DLGAP2: variants seen among roughly 807,000 people sequenced by gnomAD.
DLGAP2 encodes the protein DLG associated protein 2.
DLGAP2 carries 26 observed loss-of-function variants against 100.3 expected under a neutral mutation model. The ratio of observed to expected loss-of-function variants is 0.26; its 90% confidence interval spans 0.19 to 0.36. DLGAP2 has a LOEUF of 0.36. Among genes scored for constraint, DLGAP2 ranks in the 10% least tolerant of loss-of-function variants. DLGAP2 has a pLI of 1.00. For synonymous variants in DLGAP2, 886 were observed against 630.1 expected (o/e 1.41, Z -6.08); for missense variants, 1,858 against 1,453.2 (o/e 1.28, Z -4.53).
At chr8:1,313,220 G>C (rs981080416) in intron 3 of DLGAP2, among the ~76,000 whole-genome samples, 31 of 152,220 alleles carry the variant, frequency 2.0e-4, no homozygotes, top group Non-Finnish European at 4.4e-5. Context: ...TCTGTAAAGA[G>C]GGGTGCAGCG....
intron 3 of DLGAP2, among the ~76,000 whole-genome samples, chr8:1,271,526 G>A (rs757793451): frequency 1.4e-4 from 22 of 152,282 alleles, no homozygotes; most frequent in Non-Finnish European, 2.9e-4. Flanking sequence ...AGGCACGAAC[G>A]AGATAGTTGT....
chr8:1,279,095 A>C (rs1188598477), intron 3 of DLGAP2, among the ~76,000 whole-genome samples: 2 of 152,270 alleles, frequency 1.3e-5, no homozygotes, highest in African/African-American at 4.8e-5. Context: ...AGAACAAAAT[A>C]GTATTTTTCT....
intron 3 of DLGAP2, among the ~76,000 whole-genome samples, chr8:1,285,569 C>A (rs571870400): frequency 6.6e-6 from 1 of 152,290 alleles, no homozygotes. Context: ...ACAAGACACA[C>A]CTGTCTGTGG....
intron 2 of DLGAP2, among the ~76,000 whole-genome samples, chr8:996,013 C>T (rs1025671404): frequency 3.0e-4 from 45 of 152,170 alleles, no homozygotes; most frequent in African/African-American, 1.0e-3. Context: ...CTGAAGTCAG[C>T]AAAGGCAAGG....
chr8:1,075,610 T>C (rs1803580466), intron 2 of DLGAP2, among the ~76,000 whole-genome samples: 1 of 152,174 alleles, frequency 6.6e-6, no homozygotes, highest in African/African-American at 2.4e-5. Context: ...TGCGCACTGG[T>C]TGAGGTCTTT....
At chr8:1,135,193 T>TAA (rs1319227926) in intron 2 of DLGAP2, among the ~76,000 whole-genome samples, 1 of 152,228 alleles carries the variant, frequency 6.6e-6, no homozygotes, top group Non-Finnish European at 1.5e-5. Context: ...TTACCCTATA[T>TAA]AACATTGTGG....
chr8:1,153,759 C>T (rs1463777626), intron 2 of DLGAP2, among the ~76,000 whole-genome samples: 1 of 152,144 alleles, frequency 6.6e-6, no homozygotes, highest in Non-Finnish European at 1.5e-5. Flanking sequence ...CAGACATTTG[C>T]AGTCATAACT....
intron 10 of DLGAP2, 31 bp downstream of exon 10, chr8:1,669,815 T>C (rs1291012449): frequency 1.3e-6 from 1 of 780,892 alleles, no homozygotes; most frequent in African/African-American, 1.7e-5. Flanking sequence ...CAAAGCCGCG[T>C]CCGCATGACT....
intron 6 of DLGAP2, among the ~76,000 whole-genome samples, chr8:1,585,508 T>C (rs1796089455): frequency 6.6e-6 from 1 of 152,346 alleles, no homozygotes; most frequent in South Asian, 2.1e-4. Flanking sequence ...TAGTGAGTGC[T>C]GTCTTTTACC....
At chr8:786,076 C>A (rs1260746891) in intron 1 of DLGAP2, among the ~76,000 whole-genome samples, 1 of 152,240 alleles carries the variant, frequency 6.6e-6, no homozygotes, top group African/African-American at 2.4e-5. Flanking sequence ...CCCGCCGCCT[C>A]CGTAACCGGG....
chr8:1,344,815 C>T (rs1272370719), intron 3 of DLGAP2, among the ~76,000 whole-genome samples: 1 of 152,186 alleles, frequency 6.6e-6, no homozygotes, highest in Non-Finnish European at 1.5e-5. Context: ...GTGTCTGACT[C>T]ACAGCAGGTA....
At chr8:1,099,155 C>G (rs1473791829) in intron 2 of DLGAP2, among the ~76,000 whole-genome samples, 1 of 152,202 alleles carries the variant, frequency 6.6e-6, no homozygotes, top group African/African-American at 2.4e-5. Context: ...TTCCTGCTTT[C>G]CAAAGTGCCC....
intron 2 of DLGAP2, among the ~76,000 whole-genome samples, chr8:923,625 A>G (rs985253997): frequency 6.6e-5 from 10 of 152,200 alleles, no homozygotes; most frequent in African/African-American, 2.4e-4. Flanking sequence ...CTTGGGAATC[A>G]GGATTGCATT....
chr8:1,625,114 A>G (rs1797458804), intron 6 of DLGAP2, among the ~76,000 whole-genome samples: 1 of 152,242 alleles, frequency 6.6e-6, no homozygotes, highest in African/African-American at 2.4e-5. Flanking sequence ...TACTTTGAAA[A>G]GAAAGTGTGT....
chr8:1,009,075 C>T (rs969595121), intron 2 of DLGAP2, among the ~76,000 whole-genome samples: 2 of 152,198 alleles, frequency 1.3e-5, no homozygotes, highest in African/African-American at 4.8e-5. Flanking sequence ...GGGGGGCAGG[C>T]AGGAGTGTAG....
At chr8:1,185,828 C>G (rs1202949939) in intron 2 of DLGAP2, among the ~76,000 whole-genome samples, 1 of 152,156 alleles carries the variant, frequency 6.6e-6, no homozygotes, top group African/African-American at 2.4e-5. Context: ...GCTTTAAACA[C>G]AAACACACAT....
intron 4 of DLGAP2, among the ~76,000 whole-genome samples, chr8:1,517,334 C>T (rs538794317): frequency 9.9e-5 from 15 of 152,076 alleles, no homozygotes; most frequent in African/African-American, 1.7e-4. Flanking sequence ...GATGGAAGAA[C>T]GGATGTGGAG....
intron 5 of DLGAP2, 104 bp from the exon 6 acceptor site, chr8:1,565,579 G>A (rs1802363974): frequency 3.7e-6 from 3 of 816,144 alleles, no homozygotes; most frequent in South Asian, 1.8e-5. Context: ...ACTGTAAAGA[G>A]GTGTATCTTT....
intron 5 of DLGAP2, among the ~76,000 whole-genome samples, chr8:1,562,985 G>T (rs187860872): frequency 3.9e-4 from 29 of 74,432 alleles, no homozygotes; most frequent in African/African-American, 1.7e-3. Flanking sequence ...GGACTGTGTG[G>T]TGTTGGGGTG....
Sources: allele counts gnomAD v4.1 joint callset (sites outside exome capture counted in the v4.1 genomes callset), GRCh38; gene constraint gnomAD v4.1.1; transcripts MANE v1.5; gene names NCBI Gene and HGNC (gene_info 2026-07-23, HGNC 2026-07-21).